The following BCAR3 variants were observed in gnomAD, a reference collection of about 807,000 sequenced individuals.
BCAR3 encodes the protein BCAR3 adaptor protein, NSP family member, also known as breast cancer anti-estrogen resistance protein 3.
BCAR3 carries 37 observed loss-of-function variants against 80.1 expected under a neutral mutation model. That is an observed-to-expected ratio of 0.46 (90% CI 0.36 to 0.61). The LOEUF (loss-of-function observed/expected upper bound fraction) is 0.61, where lower values mean the gene tolerates loss of function less well. Ranked by LOEUF, BCAR3 falls within the 20% of genes least tolerant of loss-of-function variation. BCAR3 has a pLI of 0.00. For synonymous variants in BCAR3, 389 were observed against 418.9 expected, an observed-to-expected ratio of 0.93 and a Z score of 0.87; for missense variants, 978 against 1,068.2, an observed-to-expected ratio of 0.92 and a Z score of 1.18.
chr1:93,801,539 G>A (rs1425087214), intron 2 of BCAR3, among the ~76,000 whole-genome samples: 1 of 152,170 alleles, frequency 6.6e-6, no homozygotes, highest in African/African-American at 2.4e-5. Flanking sequence ...GATCTTGTTT[G>A]GTTTTTGTTT....
At chr1:93,795,730 C>G (rs1221002784) in intron 2 of BCAR3, among the ~76,000 whole-genome samples, 1 of 1,400 alleles carries the variant, frequency 7.1e-4, no homozygotes, top group Non-Finnish European at 1.0e-3. Context: ...AGGAGAGGCG[C>G]TCTGCTTTTT....
intron 3 of BCAR3, among the ~76,000 whole-genome samples, chr1:93,603,403 T>A (rs1451441462): frequency 2.0e-5 from 3 of 152,200 alleles, no homozygotes; most frequent in Non-Finnish European, 4.4e-5. Flanking sequence ...AAAGGGTGTC[T>A]TACTCTTATT....
At chr1:93,700,522 T>C (rs573021664) in intron 3 of BCAR3, among the ~76,000 whole-genome samples, 2 of 152,354 alleles carry the variant, frequency 1.3e-5, no homozygotes, top group Middle Eastern at 3.4e-3. Flanking sequence ...ACATCTGCAC[T>C]GTACCTGAGC....
intron 1 of BCAR3, among the ~76,000 whole-genome samples, chr1:93,677,464 G>A (rs1648539143): frequency 1.3e-5 from 2 of 152,170 alleles, no homozygotes; most frequent in Non-Finnish European, 2.9e-5. Context: ...GGGAAGGACC[G>A]AACCCAGTCT....
chr1:93,624,612 T>C (rs961128724), intron 3 of BCAR3, among the ~76,000 whole-genome samples: 19 of 152,246 alleles, frequency 1.2e-4, no homozygotes, highest in Admixed American at 3.9e-4. Context: ...ATTGTCATCA[T>C]TGGAATGCCT....
At chr1:93,817,603 T>C (rs1281702220) in intron 2 of BCAR3, among the ~76,000 whole-genome samples, 1 of 152,210 alleles carries the variant, frequency 6.6e-6, no homozygotes, top group Non-Finnish European at 1.5e-5. Context: ...CTTAGCCATT[T>C]GGTTCTCTGG....
chr1:93,838,878 AAAATAGTG>A (rs780608171), intron 2 of BCAR3, among the ~76,000 whole-genome samples: 13 of 152,234 alleles, frequency 8.5e-5, no homozygotes, highest in Non-Finnish European at 1.8e-4. Context: ...CAAAGACCAA[AAAATAGTG>A]AAATAGTGAA....
chr1:93,654,091 C>G (rs562070881), intron 2 of BCAR3, among the ~76,000 whole-genome samples: 1 of 152,306 alleles, frequency 6.6e-6, no homozygotes, highest in African/African-American at 2.4e-5. Flanking sequence ...CTGACCCCAG[C>G]CACCAGTCCA....
At chr1:93,628,248 G>A (rs561077889) in intron 3 of BCAR3, among the ~76,000 whole-genome samples, 1 of 152,100 alleles carries the variant, frequency 6.6e-6, no homozygotes, top group South Asian at 2.1e-4. Context: ...TACATTCCTA[G>A]AACCCCCTTA....
At position 93,586,125 on chromosome 1, in the gene BCAR3, C is replaced by T. The variant is rs1673932119; in HGVS notation, c.930-2004G>A. ...GACTACAGTCACCCTATTGTGTTAT[C>T]AAATAAGTCTTATTCATTCTTTCTA... On this transcript the variant is annotated intron_variant, in intron 5 of 11. Coordinates refer to ENST00000260502, the MANE Select transcript of BCAR3 (RefSeq NM_003567.4). The surrounding 1 kb of genome is among the most constrained non-coding windows in gnomAD (Gnocchi z 4.2). Among the ~76,000 whole-genome samples, 1 of 152,002 alleles carries T rather than the reference C, an allele frequency of 6.6e-6. No homozygotes were observed. Among genetic ancestry groups the T allele is most frequent in the African/African-American group, 2.4e-5 (1 of 41,382 alleles).
At chr1:93,829,374 G>A (rs1210661712) in intron 2 of BCAR3, among the ~76,000 whole-genome samples, 1 of 152,052 alleles carries the variant, frequency 6.6e-6, no homozygotes, top group Non-Finnish European at 1.5e-5. Context: ...GAGAGACCTG[G>A]TGACAAGGAA....
intron 1 of BCAR3, among the ~76,000 whole-genome samples, chr1:93,846,599 G>A (rs1228864860): frequency 1.3e-5 from 2 of 152,070 alleles, no homozygotes; most frequent in Admixed American, 6.5e-5. Context: ...GCCCGCTGCC[G>A]TCCCCACCGC....
At chr1:93,763,968 C>CAAGGTAG (rs1652052199) in intron 2 of BCAR3, among the ~76,000 whole-genome samples, 1 of 152,210 alleles carries the variant, frequency 6.6e-6, no homozygotes, top group African/African-American at 2.4e-5. Context: ...CCCTCCATGA[C>CAAGGTAG]TCCACTTGTC....
At chr1:93,687,209 T>TC (rs1479715152) in intron 3 of BCAR3, among the ~76,000 whole-genome samples, 7 of 152,192 alleles carry the variant, frequency 4.6e-5, no homozygotes, top group African/African-American at 1.4e-4. Context: ...ATAAATATAA[T>TC]CCCCTGGATG....
chr1:93,709,785 A>T (rs1649956052), intron 2 of BCAR3, among the ~76,000 whole-genome samples: 1 of 152,226 alleles, frequency 6.6e-6, no homozygotes, highest in Non-Finnish European at 1.5e-5. Flanking sequence ...TCTTTATCTG[A>T]TCAACTCAAC....
intron 2 of BCAR3, among the ~76,000 whole-genome samples, chr1:93,739,241 G>T (rs754554952): frequency 2.0e-5 from 3 of 152,134 alleles, no homozygotes; most frequent in Non-Finnish European, 4.4e-5. Flanking sequence ...CAGTTAAGAC[G>T]AGACATTTCA....
chr1:93,667,421 T>G (rs1392442672), intron 2 of BCAR3, among the ~76,000 whole-genome samples: 1 of 152,238 alleles, frequency 6.6e-6, no homozygotes, highest in Non-Finnish European at 1.5e-5. Context: ...TTATTTACGC[T>G]CCCACTTTAT....
chr1:93,801,848 A>G (rs1004925777), intron 2 of BCAR3, among the ~76,000 whole-genome samples: 6 of 152,202 alleles, frequency 3.9e-5, no homozygotes, highest in African/African-American at 1.4e-4. Context: ...GGCCAGGCGC[A>G]GTGGCTCATG....
chr1:93,725,819 C>G (rs982420005), intron 2 of BCAR3, among the ~76,000 whole-genome samples: 2 of 152,140 alleles, frequency 1.3e-5, no homozygotes, highest in African/African-American at 4.8e-5. Context: ...TTATTAACCA[C>G]CAATTATCAT....
Sources: allele counts gnomAD v4.1 joint callset (sites outside exome capture counted in the v4.1 genomes callset), GRCh38; gene constraint gnomAD v4.1.1; non-coding constraint Gnocchi (gnomAD v3.1); transcripts MANE v1.5; gene names NCBI Gene and HGNC (gene_info 2026-07-23, HGNC 2026-07-21).